CT45A10: variants seen among roughly 807,000 people sequenced by gnomAD.
The protein encoded by CT45A10 is cancer/testis antigen family 45 member A10.
CT45A10 carries 19 observed loss-of-function variants against 8.3 expected under a neutral mutation model. The ratio of observed to expected loss-of-function variants is 2.30; its 90% CI spans 1.61 to 3.38. The LOEUF (loss-of-function observed/expected upper bound fraction) is 3.38. CT45A10 is among the 30% of genes most tolerant of loss of function. CT45A10 has a pLI of 0.00. For synonymous variants in CT45A10, 28 were observed against 26.5 expected, an observed-to-expected ratio of 1.06 and a Z score of -0.17; for missense variants, 149 against 85.9, an observed-to-expected ratio of 1.73 and a Z score of -2.90.
chrX:135,892,250 A>G (rs1446324903), intron 1 of CT45A10, among the ~76,000 whole-genome samples: 1 of 111,223 alleles, frequency 9.0e-6, no homozygotes, highest in Non-Finnish European at 1.9e-5. Flanking sequence ...GAGCCCAAAA[A>G]ACAATCAAAA....
chrX:135,883,525 T>C (rs2088413240), intron 2 of CT45A10, among the ~76,000 whole-genome samples: 1 of 110,496 alleles, frequency 9.1e-6, no homozygotes, highest in African/African-American at 3.3e-5. Flanking sequence ...AACCACCTCC[T>C]ATTTTCTGTC....
chrX:135,889,736 G>A lies in CT45A10; in HGVS notation c.-7+3609C>T, dbSNP rs782569033. 1.1e-4 allele frequency among the ~76,000 whole-genome samples: 12 copies of A among 107,333 alleles called. No homozygotes were observed. In the East Asian group the frequency reaches 1.5e-3, roughly 13 times the overall value. The allele number at this position is 107,333 out of a possible 115,157, so 93.2% of individuals were successfully genotyped here. The stretch of plus-strand genomic sequence containing the variant: ...TGTGGTGGCACGCACCTGTAGTCCC[G>A]CTAAGGAAGGAGACCACTACTACTC... On this transcript the variant is annotated intron_variant, in intron 1 of 4. Coordinates refer to ENST00000682849, the MANE Select transcript of CT45A10 (RefSeq NM_001291529.2).
rs2088390642 is a variant in CT45A10 at position 135,882,585 on chromosome X, T to G, written c.463A>C (p.Thr155Pro). The G allele has an allele frequency of 5.2e-6, 6 of 1,158,235 alleles. No individual in the cohort carries two copies. Among genetic ancestry groups the G allele is most frequent in the East Asian group, 3.0e-5 (1 of 33,035 alleles). Residue 155 changes from threonine to proline, a missense_variant, in exon 4 of 5, where the codon ACT becomes CCT. Thr to Pro is a conservative substitution (Grantham distance 38). Coordinates refer to ENST00000682849, the MANE Select transcript of CT45A10 (RefSeq NM_001291529.2). ...FEMLEGVQGPTAVRKRFFESI... is the reference protein window; with the variant it reads ...FEMLEGVQGPPAVRKRFFESI... ...TCAAAAAATCGTTTCCTGACTGCAGTAGGTCCTTGCACTCCTTCAAGCATT... is the reference window on the plus strand; with the variant it reads ...TCAAAAAATCGTTTCCTGACTGCAGGAGGTCCTTGCACTCCTTCAAGCATT...
Sources: gnomAD v4.1 joint callset for allele counts (sites outside exome capture counted in the v4.1 genomes callset) on GRCh38, gnomAD v4.1.1 for gene constraint, MANE v1.5 for transcripts, NCBI Gene and HGNC (gene_info 2026-07-23, HGNC 2026-07-21) for gene names.